The following TMEM178B variants were observed in gnomAD, a reference collection of about 807,000 sequenced individuals.
The protein encoded by TMEM178B is transmembrane protein 178B.
A neutral mutation model predicts 31.0 loss-of-function variants in TMEM178B; 5 were observed. The ratio of observed to expected loss-of-function variants is 0.16; its 90% CI spans 0.08 to 0.34. The LOEUF is 0.34. Ranked by LOEUF, TMEM178B falls within the 10% of genes least tolerant of loss-of-function variation. The pLI, the probability that TMEM178B is intolerant of heterozygous loss-of-function variation, is 1.00. For missense variants in TMEM178B, 275 were observed against 400.3 expected (o/e 0.69, Z 2.67); for synonymous variants, 164 against 164.0 (o/e 1.00, Z 0.00).
At chr7:141,157,750 G>C (rs910744077) in intron 1 of TMEM178B, among the ~76,000 whole-genome samples, 3 of 152,156 alleles carry the variant, frequency 2.0e-5, no homozygotes, top group Non-Finnish European at 4.4e-5. Flanking sequence ...CAGTGATGAC[G>C]CTTCCGGCGT....
intron 1 of TMEM178B, among the ~76,000 whole-genome samples, chr7:141,208,187 A>G (rs1407877287): frequency 7.5e-6 from 1 of 133,512 alleles, no homozygotes; most frequent in African/African-American, 2.8e-5. Flanking sequence ...AGTGAGACCC[A>G]GTCTCTTTTA....
rs551924099 is a variant in TMEM178B at position 141,452,767 on chromosome 7, T to C, written c.634+15022T>C. 3.9e-5 allele frequency among the ~76,000 whole-genome samples: 6 copies of C among 152,364 alleles called. No individual in the cohort carries two copies. The East Asian group carries it at 1.2e-3, about 29-fold the overall frequency. ...AATATCTAGCAGAGAGTAGGCACTC[T>C]ATAAATGTTCATTTCCCTACTTTCC... On this transcript the variant is annotated intron_variant, in intron 3 of 3. Transcript: ENST00000565468.
At chr7:141,142,446 C>T (rs1386915255) in intron 1 of TMEM178B, among the ~76,000 whole-genome samples, 6 of 147,266 alleles carry the variant, frequency 4.1e-5, no homozygotes, top group African/African-American at 1.5e-4. Context: ...CTCGCTCTGT[C>T]ACCCAGGCTG....
intron 2 of TMEM178B, among the ~76,000 whole-genome samples, chr7:141,232,269 A>G (rs1033722809): frequency 6.6e-6 from 1 of 152,216 alleles, no homozygotes; most frequent in Non-Finnish European, 1.5e-5. Context: ...TGCAATGAAC[A>G]TATGCATGCA....
At chr7:141,366,034 G>A (rs1404427168) in intron 2 of TMEM178B, among the ~76,000 whole-genome samples, 1 of 152,184 alleles carries the variant, frequency 6.6e-6, no homozygotes, top group Non-Finnish European at 1.5e-5. Context: ...ATAATGTTGG[G>A]AGAAACGTTT....
At chr7:141,339,692 G>A (rs1799484288) in intron 2 of TMEM178B, among the ~76,000 whole-genome samples, 1 of 152,198 alleles carries the variant, frequency 6.6e-6, no homozygotes, top group Admixed American at 6.5e-5. Flanking sequence ...TGGCCTTTGG[G>A]GCAGAAACCA....
At position 141,080,930 on chromosome 7, in the gene TMEM178B, C is replaced by T. The variant is rs750205783; in HGVS notation, c.382+6238C>T. ...GTAAACAAAGCTACTGCACTGCCGG[C>T]GGTATAGAAGTCTAGCACAAACAAT... On this transcript the variant is annotated intron_variant, in intron 1 of 3. Coordinates refer to ENST00000565468, the MANE Select transcript of TMEM178B (RefSeq NM_001195278.2). 7.9e-5 allele frequency among the ~76,000 whole-genome samples: 12 copies of T among 152,172 alleles called. No individual in the cohort carries two copies. In the East Asian group the frequency reaches 9.7e-4, roughly 12 times the overall value.
intron 2 of TMEM178B, among the ~76,000 whole-genome samples, chr7:141,229,100 G>GTGTGTGTGT (rs1554465447): frequency 9.6e-5 from 13 of 134,852 alleles, no homozygotes; most frequent in African/African-American, 2.8e-4. Context: ...GTGTGTGTGT[G>GTGTGTGTGT]GTGTGTGTGT....
intron 2 of TMEM178B, among the ~76,000 whole-genome samples, chr7:141,428,276 G>A (rs1027148578): frequency 5.4e-5 from 8 of 149,386 alleles, no homozygotes; most frequent in Non-Finnish European, 1.2e-4. Context: ...GCTGAGGCAG[G>A]AGAATTGCTT....
At chr7:141,484,681 C>A (rs1802528199), downstream of TMEM178B, among the ~76,000 whole-genome samples, 1 of 152,154 alleles carries the variant, frequency 6.6e-6, no homozygotes, top group Non-Finnish European at 1.5e-5. This position sits in a 1 kb window ranked among gnomAD's most constrained non-coding sequence, Gnocchi z 4.8. Context: ...CCTGCCTCAG[C>A]CTCCTGAGTA....
chr7:141,412,755 A>G (rs1396092713), intron 2 of TMEM178B, among the ~76,000 whole-genome samples: 1 of 152,182 alleles, frequency 6.6e-6, no homozygotes, highest in East Asian at 1.9e-4. Context: ...TGTGGAGCAC[A>G]TAGTATGTGC....
intron 2 of TMEM178B, among the ~76,000 whole-genome samples, chr7:141,257,281 A>G (rs1040169065): frequency 3.3e-5 from 5 of 152,226 alleles, no homozygotes; most frequent in African/African-American, 1.2e-4. Flanking sequence ...GTGATCCTCT[A>G]ATAATGGAAG....
At chr7:141,386,149 A>C (rs779267434) in intron 2 of TMEM178B, among the ~76,000 whole-genome samples, 12 of 152,198 alleles carry the variant, frequency 7.9e-5, no homozygotes, top group Non-Finnish European at 1.6e-4. Context: ...GGGGTTTGAA[A>C]GCTTTGCTCC....
At chr7:141,136,867 A>G (rs1795683789) in intron 1 of TMEM178B, among the ~76,000 whole-genome samples, 1 of 152,198 alleles carries the variant, frequency 6.6e-6, no homozygotes, top group African/African-American at 2.4e-5. Flanking sequence ...CCCATCTCTA[A>G]AAAAACAAAA....
chr7:141,205,089 G>A (rs997605374), intron 1 of TMEM178B, among the ~76,000 whole-genome samples: 3 of 152,196 alleles, frequency 2.0e-5, no homozygotes, highest in African/African-American at 4.8e-5. Context: ...GCCTCCCAAA[G>A]TCCTGGGATT....
At chr7:141,454,542 C>T (rs1489537058) in intron 3 of TMEM178B, among the ~76,000 whole-genome samples, 4 of 150,262 alleles carry the variant, frequency 2.7e-5, no homozygotes, top group Non-Finnish European at 5.9e-5. Context: ...TTCCTCCTCT[C>T]CTCTTCTCTC....
At chr7:141,098,978 C>CA (rs1012692811) in intron 1 of TMEM178B, among the ~76,000 whole-genome samples, 2 of 148,600 alleles carry the variant, frequency 1.3e-5, no homozygotes, top group African/African-American at 5.2e-5. Flanking sequence ...CAAAACAAAA[C>CA]AAACAAACAA....
At chr7:141,342,146 C>T (rs1163361308) in intron 2 of TMEM178B, among the ~76,000 whole-genome samples, 1 of 152,126 alleles carries the variant, frequency 6.6e-6, no homozygotes, top group Non-Finnish European at 1.5e-5. Context: ...CGGGCTTTCC[C>T]CATGTTGACC....
At chr7:141,159,975 A>G (rs1057095308) in intron 1 of TMEM178B, among the ~76,000 whole-genome samples, 1 of 148,934 alleles carries the variant, frequency 6.7e-6, no homozygotes, top group African/African-American at 2.4e-5. Flanking sequence ...ATAATGGGGA[A>G]GCATTGTTTA....
Sources: gnomAD v4.1 joint callset for allele counts (sites outside exome capture counted in the v4.1 genomes callset) on GRCh38, gnomAD v4.1.1 for gene constraint, Gnocchi (gnomAD v3.1) non-coding constraint, MANE v1.5 for transcripts, NCBI Gene and HGNC (gene_info 2026-07-23, HGNC 2026-07-21) for gene names.